The following GFRA3 variants were observed in gnomAD, a reference collection of about 807,000 sequenced individuals.
The protein encoded by GFRA3 is GDNF family receptor alpha 3.
Under a neutral mutation model 40.0 loss-of-function variants are expected in GFRA3, and 24 were observed. The ratio of observed to expected loss-of-function variants is 0.60; its 90% confidence interval spans 0.43 to 0.84. GFRA3 has a LOEUF of 0.84. GFRA3 is among the 40% of genes least tolerant of loss of function. The pLI is 0.00. For synonymous variants in GFRA3, 203 were observed against 213.5 expected (o/e 0.95, Z 0.43); for missense variants, 405 against 530.6 (o/e 0.76, Z 2.33).
At chr5:138,270,500 G>A (rs1396807181) in intron 1 of GFRA3, among the ~76,000 whole-genome samples, 1 of 151,834 alleles carries the variant, frequency 6.6e-6, no homozygotes, top group Non-Finnish European at 1.5e-5. Flanking sequence ...TGATATGTGG[G>A]AGCTAAGCTA....
chr5:138,255,241 AT>A (rs1454095445), intron 4 of GFRA3, among the ~76,000 whole-genome samples: 9 of 152,172 alleles, frequency 5.9e-5, no homozygotes, highest in African/African-American at 2.2e-4. Flanking sequence ...GTATTTAGTT[AT>A]TCAGTAAATG....
chr5:138,253,048 G>C lies in GFRA3; in HGVS notation c.1123C>G (p.Pro375Ala), dbSNP rs779429645. The change falls in exon 8 of 8, where the codon CCT (proline) becomes GCT (alanine). Residue 375 changes from proline (P) to alanine (A), a missense_variant. Physicochemically the swap from Pro to Ala is conservative, Grantham distance 27. Coordinates refer to ENST00000274721, the MANE Select transcript of GFRA3 (RefSeq NM_001496.4). ...FAVMAHQNENPAVRPQPWVPS... is the reference protein window; with the variant it reads ...FAVMAHQNENAAVRPQPWVPS... ...ACCCAGGGCTGTGGCCTCACAGCAG[G>C]GTTTTCATTCTGTGGAAGAAATGGA... is the stretch of plus-strand genomic sequence containing the variant. 1 of 1,585,398 alleles carries C rather than the reference G, an allele frequency of 6.3e-7. No homozygotes were observed. The highest frequency in any genetic ancestry group is 1.3e-5 in the African/African-American group (1 of 74,326).
chr5:138,261,715 AAAG>A (rs1487153673), intron 2 of GFRA3, among the ~76,000 whole-genome samples: 6 of 150,906 alleles, frequency 4.0e-5, no homozygotes, highest in African/African-American at 7.3e-5. Context: ...AAAAAAAAAA[AAAG>A]AAGAAGAAGA....
intron 2 of GFRA3, 87 bp from the exon 3 acceptor site, chr5:138,259,736 G>C: frequency 1.3e-6 from 1 of 769,204 alleles, no homozygotes; most frequent in Non-Finnish European, 2.4e-6. Flanking sequence ...AGACCTCAAA[G>C]GCCTGTGGAG....
At chr5:138,256,352 C>T (rs1000423073) in intron 4 of GFRA3, among the ~76,000 whole-genome samples, 1 of 151,222 alleles carries the variant, frequency 6.6e-6, no homozygotes, top group African/African-American at 2.4e-5. Context: ...CACGGTGAAA[C>T]CCCGTCTCTA....
chr5:138,271,035 C>T (rs1011301241), intron 1 of GFRA3, among the ~76,000 whole-genome samples: 1 of 152,010 alleles, frequency 6.6e-6, no homozygotes, highest in Admixed American at 6.6e-5. Flanking sequence ...TCTTGTTACC[C>T]AGGCTGGAGT....
chr5:138,266,649 A>C (rs1393501334), intron 1 of GFRA3, among the ~76,000 whole-genome samples: 1 of 151,798 alleles, frequency 6.6e-6, no homozygotes, highest in Non-Finnish European at 1.5e-5. Context: ...CAAGTAAACC[A>C]GTATCTTCAT....
At chr5:138,253,409 A>G (rs1755579046) in intron 6 of GFRA3, 34 bp from the exon 7 acceptor site, 8 of 1,327,986 alleles carry the variant, frequency 6.0e-6, no homozygotes, top group Non-Finnish European at 8.6e-6. Flanking sequence ...TTGGAAGGGT[A>G]TGGGGGCAGG....
chr5:138,273,468 T>C, intron 1 of GFRA3, among the ~76,000 whole-genome samples: 1 of 152,238 alleles, frequency 6.6e-6, no homozygotes, highest in East Asian at 1.9e-4. Flanking sequence ...AGACTGGTGA[T>C]GTCTTGCTGC....
At chr5:138,259,003 A>T (rs1218780148) in intron 3 of GFRA3, among the ~76,000 whole-genome samples, 1 of 152,190 alleles carries the variant, frequency 6.6e-6, no homozygotes, top group Non-Finnish European at 1.5e-5. Context: ...TCAAAAAGAG[A>T]GTGCATGTGT....
chr5:138,270,577 G>A (rs1755854967), intron 1 of GFRA3, among the ~76,000 whole-genome samples: 1 of 151,810 alleles, frequency 6.6e-6, no homozygotes, highest in Admixed American at 6.6e-5. Context: ...TGGGGGAGGG[G>A]AAGGGATAAA....
chr5:138,263,430 T>A (rs974453804), intron 2 of GFRA3, among the ~76,000 whole-genome samples: 1 of 152,260 alleles, frequency 6.6e-6, no homozygotes, highest in Non-Finnish European at 1.5e-5. Context: ...TCCTCACTTA[T>A]TGCCATGTGA....
rs929684861 is a variant in GFRA3, at chr5:138,270,997, A to AT, written c.91+3336dup. Among the ~76,000 whole-genome samples, 795 of 147,434 alleles carry AT rather than the reference A, an allele frequency of 5.4e-3. 1 individual carries two copies. The highest frequency in any genetic ancestry group is 0.014 in the African/African-American group (578 of 40,520). On this transcript the variant is annotated intron_variant, in intron 1 of 7. Transcript: ENST00000274721. ...TATTGTTGTAACTGGACTAAAAATA[A>AT]TTTTTTTTTTTTGAGGTGGAGTTTT...
intron 1 of GFRA3, 146 bp downstream of exon 1, chr5:138,274,188 C>T (rs1257260805): frequency 1.8e-6 from 2 of 1,109,724 alleles, no homozygotes; most frequent in South Asian, 8.3e-5. Context: ...TGCAGGCACC[C>T]TGGGCTTCCT....
chr5:138,271,909 T>TGTGTGTGTGTGTG (rs61550132), intron 1 of GFRA3, among the ~76,000 whole-genome samples: 189 of 99,498 alleles, frequency 1.9e-3, no homozygotes, highest in South Asian at 8.7e-3. Flanking sequence ...TTTTTTTTTT[T>TGTGTGTGTGTGTG]TTTTTGTGTG....
At chr5:138,265,001 A>G (rs1303569970) in intron 1 of GFRA3, among the ~76,000 whole-genome samples, 1 of 152,034 alleles carries the variant, frequency 6.6e-6, no homozygotes, top group Non-Finnish European at 1.5e-5. Context: ...AAAATACCTG[A>G]AGGTGGAAAC....
intron 1 of GFRA3, among the ~76,000 whole-genome samples, chr5:138,271,913 T>TTTTTTTTTGTGTG (rs59830655): frequency 1.8e-5 from 1 of 54,328 alleles, no homozygotes; most frequent in African/African-American, 7.0e-5. Context: ...TTTTTTTTTT[T>TTTTTTTTTGTGTG]TGTGTGTGTG....
At chr5:138,267,188 C>CTTTTTTT (rs56245236) in intron 1 of GFRA3, 3 of 101,338 alleles carry the variant, frequency 3.0e-5, no homozygotes, top group Non-Finnish European at 5.7e-5. Flanking sequence ...TTCTTTTATG[C>CTTTTTTT]TTTTTTTTTT....
intron 1 of GFRA3, among the ~76,000 whole-genome samples, 165 bp downstream of exon 1, chr5:138,274,169 C>A (rs1755915175): frequency 6.6e-6 from 1 of 152,188 alleles, no homozygotes; most frequent in Admixed American, 6.5e-5. Flanking sequence ...AGGTGTGACC[C>A]CAGCCCCTTG....
Sources: gnomAD v4.1 joint callset for allele counts (sites outside exome capture counted in the v4.1 genomes callset) on GRCh38, gnomAD v4.1.1 for gene constraint, MANE v1.5 for transcripts, NCBI Gene and HGNC (gene_info 2026-07-23, HGNC 2026-07-21) for gene names.